The following ESRRG variants were observed in gnomAD, a reference collection of about 807,000 sequenced individuals.
The protein encoded by ESRRG is estrogen-related receptor gamma.
A neutral mutation model predicts 44.0 loss-of-function variants in ESRRG; 13 were observed. The observed-to-expected ratio is 0.30, with a 90% confidence interval of 0.19 to 0.47. The LOEUF (loss-of-function observed/expected upper bound fraction) is 0.47, where lower values mean the gene tolerates loss of function less well. ESRRG is among the 20% of genes least tolerant of loss of function. The probability of loss-of-function intolerance (pLI) is 1.00; values close to 1 mark genes in which losing one functional copy is unlikely to be tolerated. For missense variants in ESRRG, 395 were observed against 580.6 expected (o/e 0.68, Z 3.29); for synonymous variants, 215 against 214.6 (o/e 1.00, Z -0.02).
At chr1:216,882,645 A>G (rs2576264) in intron 2 of ESRRG, among the ~76,000 whole-genome samples, 98,269 of 152,030 alleles carry the variant, frequency 0.65, 31,982 homozygotes, top group Middle Eastern at 0.7. Flanking sequence ...TAGGATTTCA[A>G]CTGTATTTGG....
At chr1:216,563,117 G>A (rs982718840) in intron 5 of ESRRG, among the ~76,000 whole-genome samples, 3 of 152,118 alleles carry the variant, frequency 2.0e-5, no homozygotes, top group African/African-American at 7.2e-5. Flanking sequence ...AATTTGGGGG[G>A]CTTTATTAGC....
At chr1:217,018,841 C>T (rs2079846791) in intron 1 of ESRRG, among the ~76,000 whole-genome samples, 1 of 152,136 alleles carries the variant, frequency 6.6e-6, no homozygotes, top group Non-Finnish European at 1.5e-5. Context: ...ATGCCCTAAT[C>T]ACATTGCCAC....
intron 2 of ESRRG, among the ~76,000 whole-genome samples, chr1:216,654,896 T>C (rs1367967394): frequency 1.3e-5 from 2 of 152,200 alleles, no homozygotes; most frequent in African/African-American, 4.8e-5. Flanking sequence ...AATTTTTATC[T>C]TACTTTATAA....
intron 1 of ESRRG, among the ~76,000 whole-genome samples, chr1:217,112,243 A>G (rs2092669512): frequency 6.6e-6 from 1 of 152,226 alleles, no homozygotes; most frequent in Non-Finnish European, 1.5e-5. Flanking sequence ...GAGTTTTCAC[A>G]TAGCCATGTA....
At chr1:216,829,033 T>C (rs1354872063) in intron 2 of ESRRG, among the ~76,000 whole-genome samples, 4 of 152,218 alleles carry the variant, frequency 2.6e-5, no homozygotes, top group Non-Finnish European at 5.9e-5. Context: ...CAAGGACATA[T>C]GTATGTCTTT....
intron 2 of ESRRG, among the ~76,000 whole-genome samples, chr1:216,937,067 C>T (rs934766211): frequency 8.6e-5 from 13 of 151,614 alleles, no homozygotes; most frequent in Non-Finnish European, 1.5e-4. Flanking sequence ...CTTATCTTTG[C>T]CCCCAAGAAA....
chr1:217,031,401 G>A (rs1405374906), intron 1 of ESRRG, among the ~76,000 whole-genome samples: 1 of 152,224 alleles, frequency 6.6e-6, no homozygotes, highest in Non-Finnish European at 1.5e-5. Context: ...CGCAGAAAGA[G>A]AAGGAAAGGA....
At chr1:216,635,346 C>T (rs978195561) in intron 3 of ESRRG, among the ~76,000 whole-genome samples, 5 of 152,160 alleles carry the variant, frequency 3.3e-5, no homozygotes, top group African/African-American at 1.2e-4. Context: ...CTACCCGCAG[C>T]TTTGAACCCA....
intron 1 of ESRRG, among the ~76,000 whole-genome samples, chr1:217,002,674 C>A (rs2150676102): frequency 6.6e-6 from 1 of 152,200 alleles, no homozygotes; most frequent in Middle Eastern, 3.4e-3. Context: ...GGCATTATAG[C>A]TTTTACCTTG....
At chr1:216,549,129 T>G (rs1222968560) in intron 5 of ESRRG, among the ~76,000 whole-genome samples, 1 of 152,052 alleles carries the variant, frequency 6.6e-6, no homozygotes, top group African/African-American at 2.4e-5. Context: ...ATAAATATGT[T>G]CTTCACATGC....
chr1:216,851,979 A>G (rs772832957), intron 2 of ESRRG, among the ~76,000 whole-genome samples: 1 of 152,228 alleles, frequency 6.6e-6, no homozygotes, highest in Non-Finnish European at 1.5e-5. Flanking sequence ...AAACTTTGAC[A>G]AAGAGCCCTT....
Position 217,073,450 on chromosome 1 carries a change from C to A in ESRRG, c.-106+16057G>T, listed in dbSNP as rs80000383. Among the ~76,000 whole-genome samples the A allele has an allele frequency of 2.8e-4, 43 of 152,248 alleles. 1 individual carries two copies. Among genetic ancestry groups the A allele is most frequent in the Non-Finnish European group, 5.9e-4 (40 of 68,024 alleles). ...GTGCTTGATGCCCCTTCTCTCCATG[C>A]TGTTTAATCAATGAATCAACAAATA... On this transcript the variant is annotated intron_variant, in intron 1 of 7. Coordinates refer to the ESRRG transcript ENST00000359162.
At chr1:216,673,230 T>C (rs2075521841) in intron 2 of ESRRG, among the ~76,000 whole-genome samples, 1 of 152,232 alleles carries the variant, frequency 6.6e-6, no homozygotes, top group African/African-American at 2.4e-5. Context: ...GGAGTTCAAC[T>C]GCTATCACTA....
At chr1:217,004,792 C>A (rs1392863317) in intron 1 of ESRRG, among the ~76,000 whole-genome samples, 1 of 151,938 alleles carries the variant, frequency 6.6e-6, no homozygotes, top group African/African-American at 2.4e-5. Context: ...ATATATAGTG[C>A]CTGTGAAATG....
intron 1 of ESRRG, chr1:216,707,360 T>A (rs2082657735): frequency 6.5e-7 from 1 of 1,535,636 alleles, no homozygotes; most frequent in Non-Finnish European, 8.7e-7. Context: ...CGGGCCCACC[T>A]TTTAGCTGAA....
chr1:216,939,918 T>C (rs2064931873), intron 1 of ESRRG, among the ~76,000 whole-genome samples: 1 of 152,202 alleles, frequency 6.6e-6, no homozygotes, highest in Non-Finnish European at 1.5e-5. Context: ...TTTTAAGATT[T>C]CTTCCTTCTC....
chr1:217,067,082 C>A (rs2089845861), intron 1 of ESRRG, among the ~76,000 whole-genome samples: 1 of 152,182 alleles, frequency 6.6e-6, no homozygotes, highest in Non-Finnish European at 1.5e-5. Context: ...TTCACATATG[C>A]AAACTCAACA....
intron 5 of ESRRG, among the ~76,000 whole-genome samples, chr1:216,536,491 T>C (rs2051003954): frequency 6.6e-6 from 1 of 152,104 alleles, no homozygotes; most frequent in Non-Finnish European, 1.5e-5. Flanking sequence ...CAGTTCCTCA[T>C]TATCTTCCAC....
Position 217,049,211 on chromosome 1 carries a change from T to C in ESRRG, c.-106+40296A>G, listed in dbSNP as rs539227850. ...TTAGATAAGCCTTTCCTGACCAGGA[T>C]TTTCATCTCTGAAAAATTCTTGGTT... On this transcript the variant is annotated intron_variant, in intron 1 of 7. Coordinates refer to the ESRRG transcript ENST00000359162. Among the ~76,000 whole-genome samples, 7 of 152,314 alleles carry C rather than the reference T, an allele frequency of 4.6e-5. No individual in the cohort carries two copies. The South Asian group carries it at 1.4e-3, about 32-fold the overall frequency.
Sources: allele counts gnomAD v4.1 joint callset (sites outside exome capture counted in the v4.1 genomes callset), GRCh38; gene constraint gnomAD v4.1.1; transcripts MANE v1.5; gene names NCBI Gene and HGNC (gene_info 2026-07-23, HGNC 2026-07-21).